The following IMMP2L variants were observed in gnomAD, a reference collection of about 807,000 sequenced individuals.
The protein encoded by IMMP2L is inner mitochondrial membrane peptidase subunit 2.
Under a neutral mutation model 19.3 loss-of-function variants are expected in IMMP2L, and 18 were observed. That is an observed-to-expected ratio of 0.93 (90% CI 0.64 to 1.38). The LOEUF is 1.38. IMMP2L is among the 40% of genes most tolerant of loss of function. IMMP2L has a pLI of 0.00. For missense variants in IMMP2L, 233 were observed against 218.2 expected, an observed-to-expected ratio of 1.07 and a Z score of -0.43; for synonymous variants, 76 against 73.0, an observed-to-expected ratio of 1.04 and a Z score of -0.21.
At chr7:110,749,042 C>G (rs1352443608) in intron 5 of IMMP2L, among the ~76,000 whole-genome samples, 1 of 152,124 alleles carries the variant, frequency 6.6e-6, no homozygotes, top group African/African-American at 2.4e-5. Context: ...AGAACTTAAA[C>G]AGATTTACAA....
At chr7:111,015,282 C>T (rs908165142) in intron 3 of IMMP2L, among the ~76,000 whole-genome samples, 5 of 152,030 alleles carry the variant, frequency 3.3e-5, no homozygotes, top group Non-Finnish European at 5.9e-5. Flanking sequence ...AAACGTTATG[C>T]TGAGTGAAAT....
chr7:111,459,148 TC>T (rs1367748301), intron 3 of IMMP2L, among the ~76,000 whole-genome samples: 1 of 152,182 alleles, frequency 6.6e-6, no homozygotes, highest in Admixed American at 6.5e-5. Context: ...TAGAGTTCCC[TC>T]TATTTTCCTA....
intron 5 of IMMP2L, among the ~76,000 whole-genome samples, chr7:110,669,428 G>C (rs944136880): frequency 2.6e-5 from 4 of 152,118 alleles, no homozygotes; most frequent in African/African-American, 9.7e-5. Flanking sequence ...ACTGAAAGTC[G>C]ATCAATTTAA....
chr7:111,179,603 C>T lies in IMMP2L; in HGVS notation c.240-216038G>A, dbSNP rs372360781. On this transcript the variant is annotated intron_variant, in intron 3 of 5. Transcript: ENST00000405709. ...GCCCTAGGATTTTTGGAATGGGCAACGAGCATTGGCTTCAACTTAAAGTCA... is the reference window on the plus strand; with the variant it reads ...GCCCTAGGATTTTTGGAATGGGCAATGAGCATTGGCTTCAACTTAAAGTCA... Among the ~76,000 whole-genome samples the T allele has an allele frequency of 8.7e-4, 133 of 152,096 alleles. 1 individual carries two copies. Among genetic ancestry groups the T allele is most frequent in the African/African-American group, 3.1e-3 (130 of 41,504 alleles).
intron 5 of IMMP2L, among the ~76,000 whole-genome samples, chr7:110,789,798 A>T (rs1357107724): frequency 6.6e-6 from 1 of 151,546 alleles, no homozygotes; most frequent in Non-Finnish European, 1.5e-5. Flanking sequence ...AACACCTGGC[A>T]CACTCATACC....
chr7:111,538,577 T>C (rs1207871221), intron 1 of IMMP2L, among the ~76,000 whole-genome samples: 1 of 145,726 alleles, frequency 6.9e-6, no homozygotes, highest in Non-Finnish European at 1.5e-5. Flanking sequence ...GGCAGGAGGA[T>C]CACTTGAGCT....
intron 5 of IMMP2L, among the ~76,000 whole-genome samples, chr7:110,668,326 A>G (rs1174151180): frequency 6.6e-6 from 1 of 152,208 alleles, no homozygotes; most frequent in Non-Finnish European, 1.5e-5. Flanking sequence ...GTGATCTGTC[A>G]TATTGCAGTT....
chr7:111,459,489 T>C (rs1285016557), intron 3 of IMMP2L, among the ~76,000 whole-genome samples: 2 of 152,112 alleles, frequency 1.3e-5, no homozygotes, highest in Non-Finnish European at 2.9e-5. Context: ...TCTATGAAAG[T>C]ACTTACAAAT....
intron 5 of IMMP2L, among the ~76,000 whole-genome samples, chr7:110,843,953 G>T (rs1398481713): frequency 6.6e-6 from 1 of 152,154 alleles, no homozygotes; most frequent in African/African-American, 2.4e-5. Context: ...GGAGGAAGGG[G>T]CTGGGTCCTG....
intron 3 of IMMP2L, among the ~76,000 whole-genome samples, chr7:111,034,686 T>C (rs28711130): frequency 6.6e-6 from 1 of 151,828 alleles, no homozygotes; most frequent in Non-Finnish European, 1.5e-5. Context: ...ATTTTATGTC[T>C]AATAATTTCT....
In IMMP2L at chr7:111,128,057, T is replaced by C. The variant is rs1801489723; in HGVS notation, c.240-164492A>G. On this transcript the variant is annotated intron_variant, in intron 3 of 5. Transcript: ENST00000405709. ...ATTTATGGTACATATACTAGTCATT[T>C]AATACTTATTTTAGTGTTAAAGTTT... 2.0e-5 allele frequency among the ~76,000 whole-genome samples: 3 copies of C among 152,196 alleles called. No homozygotes were observed. In the South Asian group the frequency reaches 6.2e-4, roughly 31 times the overall value.
intron 5 of IMMP2L, among the ~76,000 whole-genome samples, chr7:110,865,219 T>C (rs1305933694): frequency 1.3e-5 from 2 of 152,048 alleles, no homozygotes; most frequent in Non-Finnish European, 2.9e-5. Context: ...CATTCATTGT[T>C]GGGTTTAATA....
chr7:110,784,206 C>A (rs2131100407), intron 5 of IMMP2L, among the ~76,000 whole-genome samples: 1 of 151,986 alleles, frequency 6.6e-6, no homozygotes, highest in East Asian at 1.9e-4. Flanking sequence ...TACTCGATAG[C>A]AAAACCTATG....
At chr7:111,432,164 G>A (rs938957967) in intron 3 of IMMP2L, among the ~76,000 whole-genome samples, 1 of 151,680 alleles carries the variant, frequency 6.6e-6, no homozygotes, top group Non-Finnish European at 1.5e-5. Context: ...ACTATCTCCA[G>A]GTAGGTAGTG....
chr7:111,291,089 C>G (rs938602210), intron 3 of IMMP2L, among the ~76,000 whole-genome samples: 1 of 152,038 alleles, frequency 6.6e-6, no homozygotes, highest in African/African-American at 2.4e-5. Flanking sequence ...AGAAACCACT[C>G]CCTCCCTTAA....
intron 5 of IMMP2L, among the ~76,000 whole-genome samples, chr7:110,738,157 C>T (rs1796759416): frequency 6.6e-6 from 1 of 152,150 alleles, no homozygotes; most frequent in African/African-American, 2.4e-5. Flanking sequence ...GGTTCTTTAA[C>T]ATGCCCAAAA....
intron 3 of IMMP2L, among the ~76,000 whole-genome samples, chr7:111,195,373 C>T (rs7779599): frequency 7.2e-5 from 11 of 151,894 alleles, no homozygotes; most frequent in East Asian, 1.9e-4. Flanking sequence ...ACAAACTGGA[C>T]GGACATTATC....
intron 3 of IMMP2L, among the ~76,000 whole-genome samples, chr7:111,136,229 T>C (rs1433008935): frequency 2.0e-5 from 3 of 152,098 alleles, no homozygotes; most frequent in Non-Finnish European, 4.4e-5. Context: ...GGTTTCACCA[T>C]CTTGGCCAGG....
chr7:111,236,466 T>G (rs112030922), intron 3 of IMMP2L, among the ~76,000 whole-genome samples: 1 of 152,084 alleles, frequency 6.6e-6, no homozygotes, highest in African/African-American at 2.4e-5. Flanking sequence ...AATTATGAGG[T>G]TTTCCACTCT....
Sources: allele counts gnomAD v4.1 joint callset (sites outside exome capture counted in the v4.1 genomes callset), GRCh38; gene constraint gnomAD v4.1.1; transcripts MANE v1.5; gene names NCBI Gene and HGNC (gene_info 2026-07-23, HGNC 2026-07-21).